NINJ2: variants seen among roughly 807,000 people sequenced by gnomAD.
The protein encoded by NINJ2 is ninjurin-2.
A neutral mutation model predicts 11.7 loss-of-function variants in NINJ2; 12 were observed. That is an observed-to-expected ratio of 1.02 (90% CI 0.66 to 1.66). NINJ2 has a LOEUF of 1.66. Ranked by LOEUF, NINJ2 falls within the 40% of genes most tolerant of loss-of-function variation. NINJ2 has a pLI of 0.00. For synonymous variants in NINJ2, 93 were observed against 76.8 expected (o/e 1.21, Z -1.10); for missense variants, 187 against 181.8 (o/e 1.03, Z -0.16).
intron 1 of NINJ2, 93 bp from the exon 2 acceptor site, chr12:566,271 C>G: frequency 1.9e-6 from 2 of 1,054,406 alleles, no homozygotes; most frequent in South Asian, 3.0e-5. Flanking sequence ...AAAGCTCTTT[C>G]CAATCCAGAT....
chr12:647,513 A>C (rs1937706248), intron 1 of NINJ2, among the ~76,000 whole-genome samples: 1 of 152,082 alleles, frequency 6.6e-6, no homozygotes. Flanking sequence ...TCTTCTTAGA[A>C]AGTGACTGGC....
chr12:649,332 C>T (rs1163719775), intron 1 of NINJ2, among the ~76,000 whole-genome samples: 1 of 152,060 alleles, frequency 6.6e-6, no homozygotes, highest in East Asian at 1.9e-4. Context: ...CAGATATGAG[C>T]CACCGCGCCC....
intron 1 of NINJ2, among the ~76,000 whole-genome samples, chr12:594,348 A>C (rs1947755698): frequency 6.6e-6 from 1 of 152,274 alleles, no homozygotes. Context: ...ATGCCATTAC[A>C]TTAGTCCTCA....
At chr12:613,862 G>T (rs1011043430) in intron 1 of NINJ2, among the ~76,000 whole-genome samples, 1 of 152,082 alleles carries the variant, frequency 6.6e-6, no homozygotes, top group Non-Finnish European at 1.5e-5. Context: ...CCGAGATCGC[G>T]CCACTGCACT....
At chr12:659,392 C>T (rs968985821) in intron 1 of NINJ2, among the ~76,000 whole-genome samples, 1 of 152,140 alleles carries the variant, frequency 6.6e-6, no homozygotes, top group African/African-American at 2.4e-5. Context: ...TGGGAAGGAG[C>T]CAGGCTAGGG....
chr12:593,644 G>A (rs1431083973), intron 1 of NINJ2, among the ~76,000 whole-genome samples: 5 of 152,104 alleles, frequency 3.3e-5, no homozygotes, highest in African/African-American at 7.2e-5. Context: ...GAGCCCAGGA[G>A]GTTGAGGCTG....
intron 1 of NINJ2, among the ~76,000 whole-genome samples, chr12:598,991 C>A (rs139230672): frequency 6.6e-6 from 1 of 151,942 alleles, no homozygotes; most frequent in African/African-American, 2.4e-5. Context: ...TGAGTCACTG[C>A]GCCCAGCCTA....
chr12:596,184 C>T (rs931174783), intron 1 of NINJ2, among the ~76,000 whole-genome samples: 14 of 152,178 alleles, frequency 9.2e-5, no homozygotes, highest in Admixed American at 9.2e-4. Flanking sequence ...TCAAAACTTA[C>T]GTTCACACAA....
At chr12:634,555 G>C (rs376068606) in intron 1 of NINJ2, among the ~76,000 whole-genome samples, 2 of 151,830 alleles carry the variant, frequency 1.3e-5, no homozygotes, top group East Asian at 3.9e-4. Flanking sequence ...CACCGCGCCC[G>C]GCCTAGTTGC....
At chr12:572,521 A>T (rs1947392050) in intron 1 of NINJ2, among the ~76,000 whole-genome samples, 1 of 152,258 alleles carries the variant, frequency 6.6e-6, no homozygotes, top group Admixed American at 6.5e-5. Context: ...GAAGGGGCTT[A>T]GGTGAGCTTT....
Position 593,807 on chromosome 12 carries a change from AAAG to A in NINJ2, c.34-27632_34-27630del, listed in dbSNP as rs149443832. Among the ~76,000 whole-genome samples, 225 of 152,220 alleles carry A rather than the reference AAAG, an allele frequency of 1.5e-3. 2 individuals are homozygous for A. Among genetic ancestry groups the A allele is most frequent in the African/African-American group, 5.1e-3 (211 of 41,546 alleles). On this transcript the variant is annotated intron_variant, in intron 1 of 3. Transcript: ENST00000305108. ...AGTGGAAGAATAAGAGGAAGAAAGA[AAAG>A]AAGAAGAAGAAGCAGCAGCAGCAAC... is the stretch of plus-strand genomic sequence containing the variant.
intron 1 of NINJ2, among the ~76,000 whole-genome samples, chr12:637,934 G>T (rs1948372505): frequency 6.6e-6 from 1 of 152,204 alleles, no homozygotes; most frequent in Non-Finnish European, 1.5e-5. Context: ...CAGGGCCAAA[G>T]GATTAAGGAC....
intron 1 of NINJ2, among the ~76,000 whole-genome samples, chr12:636,409 A>AAAT (rs1196501629): frequency 6.6e-6 from 1 of 150,970 alleles, no homozygotes; most frequent in Non-Finnish European, 1.5e-5. Flanking sequence ...ATAAATAAAT[A>AAAT]AAAATTAAAA....
At chr12:598,708 CT>C (rs1180130616) in intron 1 of NINJ2, among the ~76,000 whole-genome samples, 2 of 151,604 alleles carry the variant, frequency 1.3e-5, no homozygotes, top group Non-Finnish European at 1.5e-5. Context: ...TTAATTTTAA[CT>C]TTTTTTTTGA....
chr12:573,513 A>C (rs1048801804), intron 1 of NINJ2, among the ~76,000 whole-genome samples: 1 of 152,116 alleles, frequency 6.6e-6, no homozygotes, highest in Non-Finnish European at 1.5e-5. Flanking sequence ...TCAGAGGCGG[A>C]GGTTGCAGTG....
chr12:565,952 AT>A lies in NINJ2; in HGVS notation c.259del (p.Ile87LeufsTer4). 6.2e-7 allele frequency: 1 copy of A among 1,614,062 alleles called. No homozygotes were observed. The highest frequency in any genetic ancestry group is 1.1e-5 in the South Asian group (1 of 91,080). On this transcript the variant is annotated frameshift_variant, in exon 2 of 4. Transcript: ENST00000305108. LOFTEE classifies it high-confidence loss of function. The stretch of plus-strand genomic sequence containing the variant: ...TGACTGCAGGCTGGGCTCCTCACCA[AT>A]GACCACGAGCAGGACACCGATGACC... Reference protein sequence around the residue: ...QVVIGVLLVVIARLNLNEVEK... With the variant: ...QVVIGVLLVVXARLNLNEVEK...
chr12:626,694 C>T (rs1345533455), intron 1 of NINJ2, among the ~76,000 whole-genome samples: 4 of 152,114 alleles, frequency 2.6e-5, no homozygotes, highest in East Asian at 1.9e-4. Context: ...CTAGCTGACA[C>T]GAGGCAGTCA....
chr12:570,553 AG>A (rs1947362190), intron 1 of NINJ2, among the ~76,000 whole-genome samples: 1 of 152,238 alleles, frequency 6.6e-6, no homozygotes, highest in Admixed American at 6.5e-5. Flanking sequence ...CTTTAAGGCC[AG>A]GCCCAGGCGG....
At chr12:576,858 C>G (rs757881093) in intron 1 of NINJ2, among the ~76,000 whole-genome samples, 21 of 152,222 alleles carry the variant, frequency 1.4e-4, no homozygotes, top group Non-Finnish European at 2.1e-4. Flanking sequence ...AGCGCCTTGT[C>G]CTGGGGCTTC....
Sources: gnomAD v4.1 joint callset for allele counts (sites outside exome capture counted in the v4.1 genomes callset) on GRCh38, gnomAD v4.1.1 for gene constraint, MANE v1.5 for transcripts, NCBI Gene and HGNC (gene_info 2026-07-23, HGNC 2026-07-21) for gene names.